The following TMEM182 variants were observed in gnomAD, a reference collection of about 807,000 sequenced individuals.
TMEM182 encodes the protein transmembrane protein 182.
Under a neutral mutation model 26.8 loss-of-function variants are expected in TMEM182, and 20 were observed. That is an observed-to-expected ratio of 0.75 (90% confidence interval 0.53 to 1.09). The LOEUF is 1.09. TMEM182 is among the 50% of genes least tolerant of loss of function. TMEM182 has a pLI of 0.00. For synonymous variants in TMEM182, 109 were observed against 102.2 expected (o/e 1.07, Z -0.40); for missense variants, 277 against 275.5 (o/e 1.01, Z -0.04).
chr2:102,831,766 A>AAT (rs1683155111), intron 3 of TMEM182, among the ~76,000 whole-genome samples: 1 of 152,092 alleles, frequency 6.6e-6, no homozygotes. Flanking sequence ...AAAAAAAAAA[A>AAT]AGAAAAAGAA....
intron 1 of TMEM182, among the ~76,000 whole-genome samples, chr2:102,752,040 C>T (rs1052046202): frequency 6.6e-6 from 1 of 152,134 alleles, no homozygotes; most frequent in Non-Finnish European, 1.5e-5. Context: ...TAATTGCCCA[C>T]TTATAGGTTC....
At chr2:102,811,438 G>A (rs963127701) in intron 4 of TMEM182, among the ~76,000 whole-genome samples, 1 of 152,120 alleles carries the variant, frequency 6.6e-6, no homozygotes, top group Non-Finnish European at 1.5e-5. Flanking sequence ...AAATTAATAA[G>A]CATTTTATTG....
At chr2:102,738,693 G>A (rs940441582) in intron 1 of TMEM182, among the ~76,000 whole-genome samples, 4 of 152,136 alleles carry the variant, frequency 2.6e-5, no homozygotes, top group Non-Finnish European at 5.9e-5. Context: ...GACAAAAAAA[G>A]GGAATAATAT....
chr2:102,829,687 C>T (rs1179772996), intron 3 of TMEM182, among the ~76,000 whole-genome samples: 5 of 152,116 alleles, frequency 3.3e-5, no homozygotes, highest in African/African-American at 7.2e-5. Context: ...AGGAGTCCAT[C>T]GGATAGCAGA....
At chr2:102,782,677 T>C (rs964843320) in intron 3 of TMEM182, among the ~76,000 whole-genome samples, 1 of 152,142 alleles carries the variant, frequency 6.6e-6, no homozygotes, top group Non-Finnish European at 1.5e-5. Flanking sequence ...ACTTTTTTCA[T>C]AGTCAACTTT....
At position 102,832,903 on chromosome 2, in the gene TMEM182, A is replaced by G. The variant is rs1243129551; in HGVS notation, c.326-10509A>G. Among the ~76,000 whole-genome samples, 6 of 152,196 alleles carry G rather than the reference A, an allele frequency of 3.9e-5. No individual in the cohort carries two copies. In the East Asian group the frequency reaches 1.2e-3, roughly 29 times the overall value. The stretch of plus-strand genomic sequence containing the variant: ...ATAACAGATCTTCCAAATTGCACAC[A>G]GCCATCCTGCACTGGCAGGGAGACA... On this transcript the variant is annotated intron_variant, in intron 3 of 3. Transcript: ENST00000486293.
intron 1 of TMEM182, among the ~76,000 whole-genome samples, chr2:102,740,318 G>A (rs972758664): frequency 6.6e-6 from 1 of 152,154 alleles, no homozygotes; most frequent in Non-Finnish European, 1.5e-5. Context: ...AATCATGGAG[G>A]TGGTTACCTC....
intron 3 of TMEM182, among the ~76,000 whole-genome samples, chr2:102,793,913 C>A (rs1351683877): frequency 6.6e-6 from 1 of 151,934 alleles, no homozygotes. Flanking sequence ...ATAATAATAG[C>A]AATAAAAGCC....
chr2:102,752,261 T>C (rs1679894558), intron 1 of TMEM182, among the ~76,000 whole-genome samples: 1 of 152,202 alleles, frequency 6.6e-6, no homozygotes, highest in Non-Finnish European at 1.5e-5. Context: ...CCTCAAGCAC[T>C]TAGAACAGAG....
chr2:102,842,998 G>A (rs1352758431), intron 3 of TMEM182, among the ~76,000 whole-genome samples: 1 of 152,150 alleles, frequency 6.6e-6, no homozygotes, highest in African/African-American at 2.4e-5. Flanking sequence ...TTGATACAAT[G>A]TATACAAACA....
downstream of TMEM182, among the ~76,000 whole-genome samples, chr2:102,820,943 G>A (rs1682904556): frequency 6.6e-6 from 1 of 152,202 alleles, no homozygotes; most frequent in East Asian, 1.9e-4. Context: ...GCTTGAGGGA[G>A]AGAGGAATCC....
upstream of TMEM182, among the ~76,000 whole-genome samples, chr2:102,760,196 A>G (rs988984408): frequency 6.6e-6 from 1 of 152,210 alleles, no homozygotes. Flanking sequence ...AAGGCGTTTA[A>G]AGGAAGAGAG....
At chr2:102,820,033 A>G (rs1413061461), downstream of TMEM182, among the ~76,000 whole-genome samples, 1 of 152,222 alleles carries the variant, frequency 6.6e-6, no homozygotes, top group Non-Finnish European at 1.5e-5. Context: ...ATAGTTATAA[A>G]CCTTTTTGGG....
At chr2:102,821,352 G>C (rs57059628), downstream of TMEM182, among the ~76,000 whole-genome samples, 329 of 152,248 alleles carry the variant, frequency 2.2e-3, no homozygotes, top group African/African-American at 7.2e-3. Flanking sequence ...CATGAGGGTG[G>C]ATCCTTCATG....
At chr2:102,825,863 G>A (rs1683021380) in intron 3 of TMEM182, among the ~76,000 whole-genome samples, 1 of 152,146 alleles carries the variant, frequency 6.6e-6, no homozygotes, top group Non-Finnish European at 1.5e-5. Context: ...AGGCCACACA[G>A]CCAAAAAGCA....
At chr2:102,830,538 G>GTATTTATA (rs1683131358) in intron 3 of TMEM182, among the ~76,000 whole-genome samples, 1 of 151,928 alleles carries the variant, frequency 6.6e-6, no homozygotes. Flanking sequence ...ATGTATTTAT[G>GTATTTATA]TATTTATTTA....
intron 4 of TMEM182, among the ~76,000 whole-genome samples, chr2:102,808,805 A>T (rs1682441750): frequency 6.6e-6 from 1 of 152,230 alleles, no homozygotes; most frequent in Non-Finnish European, 1.5e-5. Flanking sequence ...CTCAGGCATT[A>T]TGTTGAGTAA....
intron 1 of TMEM182, among the ~76,000 whole-genome samples, chr2:102,752,068 C>T (rs1434854412): frequency 2.0e-5 from 3 of 152,132 alleles, no homozygotes; most frequent in Non-Finnish European, 4.4e-5. Context: ...AAATACAGCC[C>T]CACGGGGATT....
At chr2:102,746,578 G>C (rs1679703810) in intron 1 of TMEM182, among the ~76,000 whole-genome samples, 1 of 151,954 alleles carries the variant, frequency 6.6e-6, no homozygotes, top group Admixed American at 6.6e-5. Flanking sequence ...TTAGGTCTCT[G>C]ATCCCCTCTG....
Sources: allele counts gnomAD v4.1 joint callset (sites outside exome capture counted in the v4.1 genomes callset), GRCh38; gene constraint gnomAD v4.1.1; transcripts MANE v1.5; gene names NCBI Gene and HGNC (gene_info 2026-07-23, HGNC 2026-07-21).